Variants in SPAM1 observed in about 807,000 individuals in gnomAD.
The protein encoded by SPAM1 is hyaluronidase PH-20.
Under a neutral mutation model 29.6 loss-of-function variants are expected in SPAM1, and 22 were observed. The ratio of observed to expected loss-of-function variants is 0.74; its 90% CI spans 0.53 to 1.06. SPAM1 has a LOEUF of 1.06. SPAM1 is among the 50% of genes least tolerant of loss of function. The probability of loss-of-function intolerance (pLI) is 0.00; values close to 1 mark genes in which losing one functional copy is unlikely to be tolerated. For synonymous variants in SPAM1, 194 were observed against 204.6 expected (o/e 0.95, Z 0.44); for missense variants, 534 against 604.0 (o/e 0.88, Z 1.21).
At chr7:123,944,808 G>A (rs1443941335) in intron 1 of SPAM1, among the ~76,000 whole-genome samples, 4 of 152,104 alleles carry the variant, frequency 2.6e-5, no homozygotes, top group Non-Finnish European at 4.4e-5. Flanking sequence ...CCTTTTAAAA[G>A]GGGAGAGAAA....
intron 1 of SPAM1, among the ~76,000 whole-genome samples, chr7:123,927,598 G>A (rs560507557): frequency 1.3e-5 from 2 of 152,266 alleles, no homozygotes; most frequent in East Asian, 3.9e-4. Flanking sequence ...TTCTTAGCAG[G>A]TAACAGTCGT....
In SPAM1 at chr7:123,949,908, T is replaced by C. The variant is rs536500656; in HGVS notation, c.-282T>C. On this transcript the variant is annotated 5_prime_UTR_variant, in exon 2 of 5. Coordinates refer to ENST00000682466, the MANE Select transcript of SPAM1 (RefSeq NM_153189.3). ...ACTAGCCAATGCTCTAGGAAGACAT[T>C]GAGACCAGCCAACTTCTTGCCTTGA... 6.6e-6 allele frequency: 1 copy of C among 152,104 alleles called. No homozygotes were observed. Among genetic ancestry groups the C allele is most frequent in the South Asian group, 2.1e-4 (1 of 4,808 alleles). The allele number at this position is 152,104 out of a possible 1,614,324, so 9.4% of individuals were successfully genotyped here. A position where few individuals can be genotyped will look rare whatever the true frequency, so the allele number is the denominator to read the frequency against.
intron 3 of SPAM1, among the ~76,000 whole-genome samples, chr7:123,954,751 T>C (rs1344841784): frequency 1.3e-5 from 2 of 151,962 alleles, no homozygotes; most frequent in African/African-American, 4.8e-5. Context: ...GTATAGACAG[T>C]GTATGAACTC....
At chr7:123,949,600 AT>A (rs562755370) in intron 1 of SPAM1, among the ~76,000 whole-genome samples, 31 of 151,600 alleles carry the variant, frequency 2.0e-4, no homozygotes, top group African/African-American at 7.3e-4. Flanking sequence ...TTTGCTTTTT[AT>A]TTTTTTTCAT....
intron 1 of SPAM1, among the ~76,000 whole-genome samples, chr7:123,946,697 T>C (rs1273924381): frequency 1.3e-5 from 2 of 152,122 alleles, no homozygotes; most frequent in Non-Finnish European, 2.9e-5. Context: ...TATAAGTAGA[T>C]AAGAGACAAA....
intron 1 of SPAM1, among the ~76,000 whole-genome samples, chr7:123,937,566 A>G (rs757351297): frequency 2.9e-5 from 4 of 136,126 alleles, no homozygotes; most frequent in South Asian, 2.4e-4. Context: ...GCGCCACTGC[A>G]CTCCAGCCTG....
chr7:123,956,480 T>G (rs1372901152), intron 4 of SPAM1, among the ~76,000 whole-genome samples: 6 of 152,022 alleles, frequency 3.9e-5, no homozygotes, highest in Non-Finnish European at 8.8e-5. Flanking sequence ...ATAAAACAAA[T>G]GCAAATGAGC....
At chr7:123,928,251 A>C (rs921385512) in intron 1 of SPAM1, among the ~76,000 whole-genome samples, 11 of 152,172 alleles carry the variant, frequency 7.2e-5, no homozygotes, top group African/African-American at 2.4e-4. Flanking sequence ...TGCACTCAGT[A>C]GCTATCCAAT....
chr7:123,960,096 A>G (rs1301769319), downstream of SPAM1: 7 of 1,343,314 alleles, frequency 5.2e-6, no homozygotes, highest in Admixed American at 2.6e-5. Flanking sequence ...GAATAACTAT[A>G]CCTAGGAAAT....
intron 1 of SPAM1, among the ~76,000 whole-genome samples, chr7:123,945,640 G>A (rs995603238): frequency 2.6e-5 from 4 of 152,192 alleles, no homozygotes; most frequent in Non-Finnish European, 4.4e-5. Context: ...AGAGGTGCCT[G>A]TGTTCTGAGT....
intron 1 of SPAM1, among the ~76,000 whole-genome samples, chr7:123,946,671 T>TG (rs1199506737): frequency 1.3e-5 from 2 of 151,982 alleles, no homozygotes; most frequent in Non-Finnish European, 2.9e-5. Context: ...CAACTTGAGG[T>TG]GGGGGGCTTC....
chr7:123,952,724 G>A, intron 2 of SPAM1, among the ~76,000 whole-genome samples: 1 of 152,006 alleles, frequency 6.6e-6, no homozygotes, highest in South Asian at 2.1e-4. Flanking sequence ...ATACAAAGTA[G>A]TAAAATGTTT....
At chr7:123,964,759 G>A (rs940906713), downstream of SPAM1, among the ~76,000 whole-genome samples, 1 of 151,972 alleles carries the variant, frequency 6.6e-6, no homozygotes, top group Non-Finnish European at 1.5e-5. Flanking sequence ...AATATACTGT[G>A]CTTATCACTT....
chr7:123,954,849 A>T (rs6972388), intron 3 of SPAM1, 148 bp from the exon 4 acceptor site: 164,675 of 601,838 alleles, frequency 0.27, 23,725 homozygotes, highest in Admixed American at 0.37. Context: ...TTTTATAGTA[A>T]GGCAATGGCT....
exon 7 of SPAM1, chr7:123,971,058 AGTCACTCTCCTAGATGCT>A (rs1329096923): frequency 2.0e-5 from 3 of 152,124 alleles, no homozygotes; most frequent in African/African-American, 7.2e-5. Context: ...TATTAAGTGC[AGTCACTCTCCTAGATGCT>A]GTGGGGAGAA....
chr7:123,935,069 A>G (rs1808210548), intron 1 of SPAM1, among the ~76,000 whole-genome samples: 1 of 152,188 alleles, frequency 6.6e-6, no homozygotes, highest in Admixed American at 6.5e-5. Context: ...TGCATTGTAT[A>G]CGTGTATTGA....
At chr7:123,939,915 G>T (rs962906976) in intron 1 of SPAM1, among the ~76,000 whole-genome samples, 2 of 152,194 alleles carry the variant, frequency 1.3e-5, no homozygotes, top group Non-Finnish European at 2.9e-5. Context: ...CCTTACCTGA[G>T]ATCTTTCCTC....
downstream of SPAM1, chr7:123,960,129 A>C: frequency 1.1e-6 from 1 of 939,692 alleles, no homozygotes; most frequent in Non-Finnish European, 1.5e-6. Context: ...TGAACTTGAC[A>C]AACACTGCTA....
At chr7:123,951,328 G>A (rs1426876938) in intron 2 of SPAM1, among the ~76,000 whole-genome samples, 1 of 151,900 alleles carries the variant, frequency 6.6e-6, no homozygotes, top group Non-Finnish European at 1.5e-5. Context: ...TCATAAATTA[G>A]TCTGTCTAAT....
Sources: gnomAD v4.1 joint callset for allele counts (sites outside exome capture counted in the v4.1 genomes callset) on GRCh38, gnomAD v4.1.1 for gene constraint, MANE v1.5 for transcripts, NCBI Gene and HGNC (gene_info 2026-07-23, HGNC 2026-07-21) for gene names.